TNRC6B: variants seen among roughly 807,000 people sequenced by gnomAD.
TNRC6B encodes the protein trinucleotide repeat-containing gene 6B protein.
TNRC6B carries 52 observed loss-of-function variants against 203.6 expected under a neutral mutation model. The ratio of observed to expected loss-of-function variants is 0.26; its 90% CI spans 0.20 to 0.32. The LOEUF is 0.32. Ranked by LOEUF, TNRC6B falls within the 10% of genes least tolerant of loss-of-function variation. The pLI, the probability that TNRC6B is intolerant of heterozygous loss-of-function variation, is 1.00. For synonymous variants in TNRC6B, 838 were observed against 845.7 expected (o/e 0.99, Z 0.16); for missense variants, 1,923 against 2,286.2 (o/e 0.84, Z 3.24).
intron 3 of TNRC6B, among the ~76,000 whole-genome samples, chr22:40,133,132 C>T (rs2068567748): frequency 1.3e-5 from 2 of 151,504 alleles, no homozygotes; most frequent in South Asian, 4.2e-4. Context: ...ACTATTTTAT[C>T]TGTCACATGT....
chr22:40,303,894 A>G (rs2071057607), intron 15 of TNRC6B, among the ~76,000 whole-genome samples: 1 of 152,220 alleles, frequency 6.6e-6, no homozygotes, highest in African/African-American at 2.4e-5. Flanking sequence ...CTGGCGACAG[A>G]GCAAGACTCC....
At chr22:40,179,308 T>C (rs539130814) in intron 1 of TNRC6B, among the ~76,000 whole-genome samples, 15 of 152,286 alleles carry the variant, frequency 9.8e-5, no homozygotes, top group Admixed American at 5.2e-4. Context: ...GAAAGGATTG[T>C]AGTTTGTGAT....
At chr22:40,052,723 A>G (rs1362945131) in intron 1 of TNRC6B, among the ~76,000 whole-genome samples, 1 of 152,118 alleles carries the variant, frequency 6.6e-6, no homozygotes, top group Non-Finnish European at 1.5e-5. Context: ...TGCTGGGATT[A>G]CAGGCGTGAG....
At chr22:40,138,362 C>T (rs1192203200) in intron 3 of TNRC6B, among the ~76,000 whole-genome samples, 1 of 152,162 alleles carries the variant, frequency 6.6e-6, no homozygotes, top group Non-Finnish European at 1.5e-5. Flanking sequence ...GCCTCCCAGG[C>T]TCAGGAGATT....
intron 1 of TNRC6B, among the ~76,000 whole-genome samples, chr22:40,067,277 G>T (rs905640692): frequency 1.2e-4 from 19 of 152,194 alleles, no homozygotes; most frequent in Non-Finnish European, 2.2e-4. Flanking sequence ...TTAATTAAAA[G>T]CTATTCATAT....
intron 2 of TNRC6B, among the ~76,000 whole-genome samples, chr22:40,121,568 A>G (rs905711395): frequency 1.3e-5 from 2 of 152,222 alleles, no homozygotes; most frequent in African/African-American, 2.4e-5. Flanking sequence ...ACCCAAGCCC[A>G]CTAATGCCCT....
chr22:40,189,990 A>G (rs1000546955), intron 1 of TNRC6B, among the ~76,000 whole-genome samples: 7 of 152,238 alleles, frequency 4.6e-5, no homozygotes, highest in Non-Finnish European at 7.3e-5. Context: ...GAAAATGATT[A>G]CATTGTTTCC....
intron 1 of TNRC6B, among the ~76,000 whole-genome samples, chr22:40,212,481 C>A (rs1266333882): frequency 6.6e-6 from 1 of 152,136 alleles, no homozygotes; most frequent in Non-Finnish European, 1.5e-5. Flanking sequence ...CCTTTGGGAA[C>A]AGATTAGTTT....
chr22:40,072,340 G>C (rs981437362), intron 1 of TNRC6B, among the ~76,000 whole-genome samples: 1 of 152,182 alleles, frequency 6.6e-6, no homozygotes, highest in African/African-American at 2.4e-5. Flanking sequence ...CACCAAGTCA[G>C]TTGTTCTCAA....
intron 1 of TNRC6B, among the ~76,000 whole-genome samples, chr22:40,233,103 T>G (rs1051824891): frequency 1.4e-4 from 21 of 150,984 alleles, no homozygotes; most frequent in African/African-American, 5.1e-4. Flanking sequence ...AGCTGAGATC[T>G]GCTGCACTCC....
At position 40,265,647 on chromosome 22, in the gene TNRC6B, T is replaced by C; in HGVS notation, c.1417T>C (p.Trp473Arg). ...QKSTGSKNDS[W>R]DNNNRSTGGS... is the part of the protein sequence containing the mutation. Reference sequence around the variant, plus strand: ...ATCAACTGGGTCAAAAAATGACTCTTGGGACAACAATAACAGGTCTACGGG... The same window carrying C: ...ATCAACTGGGTCAAAAAATGACTCTCGGGACAACAATAACAGGTCTACGGG... Residue 473 changes from tryptophan (W) to arginine (R), a missense_variant, in exon 5 of 23, where the codon TGG becomes CGG. Transcript: ENST00000454349. 1 of 1,613,856 alleles carries C rather than the reference T, an allele frequency of 6.2e-7. No homozygotes were observed. Among genetic ancestry groups the C allele is most frequent in the Non-Finnish European group, 8.5e-7 (1 of 1,179,828 alleles).
intron 1 of TNRC6B, among the ~76,000 whole-genome samples, chr22:40,048,540 C>CA (rs575286994): frequency 0.03 from 2,557 of 85,176 alleles, 45 homozygotes; most frequent in African/African-American, 0.059. Context: ...GGCTCCGTCT[C>CA]AAAAAAAAAA....
chr22:40,301,143 C>A lies in TNRC6B; in HGVS notation c.3937-7C>A. 1 of 1,552,388 alleles carries A rather than the reference C, an allele frequency of 6.4e-7. No homozygotes were observed. Among genetic ancestry groups the A allele is most frequent in the African/African-American group, 1.4e-5 (1 of 72,964 alleles). On this transcript the variant is annotated splice_region_variant and splice_polypyrimidine_tract_variant and intron_variant, in intron 14 of 22. Transcript: ENST00000454349. ...CTTATCACGTGTCTGTCTCTCTTGG[C>A]CCTCAGCTGGCTCGAATGGTGAGTG... is the stretch of plus-strand genomic sequence containing the variant.
At chr22:40,121,206 C>T (rs1456497472) in intron 2 of TNRC6B, among the ~76,000 whole-genome samples, 1 of 151,768 alleles carries the variant, frequency 6.6e-6, no homozygotes, top group Non-Finnish European at 1.5e-5. Flanking sequence ...TGCCAGTCTT[C>T]CTTCCTCCTT....
intron 1 of TNRC6B, among the ~76,000 whole-genome samples, chr22:40,053,324 G>A (rs927292893): frequency 1.3e-5 from 2 of 152,294 alleles, no homozygotes; most frequent in African/African-American, 4.8e-5. Flanking sequence ...CATAATTATT[G>A]TAATTAATGC....
intron 3 of TNRC6B, among the ~76,000 whole-genome samples, chr22:40,132,166 A>G (rs534544170): frequency 3.3e-5 from 5 of 152,212 alleles, no homozygotes; most frequent in African/African-American, 1.2e-4. Flanking sequence ...TGGCCAACAT[A>G]GCAAAACCCC....
chr22:40,147,477 G>C (rs958708997), intron 3 of TNRC6B, among the ~76,000 whole-genome samples: 1 of 152,154 alleles, frequency 6.6e-6, no homozygotes, highest in African/African-American at 2.4e-5. Context: ...TAGTTCTAGA[G>C]GCCGCGAATA....
chr22:40,053,366 G>A (rs188960725), intron 1 of TNRC6B, among the ~76,000 whole-genome samples: 1 of 152,208 alleles, frequency 6.6e-6, no homozygotes, highest in Admixed American at 6.5e-5. Context: ...GAGTTGGAGA[G>A]TCTCTGAATT....
intron 17 of TNRC6B, among the ~76,000 whole-genome samples, chr22:40,311,388 G>A (rs2071177976): frequency 6.6e-6 from 1 of 152,028 alleles, no homozygotes; most frequent in African/African-American, 2.4e-5. Flanking sequence ...CCTTTTGTTG[G>A]ATATAGTAAT....
Sources: gnomAD v4.1 joint callset for allele counts (sites outside exome capture counted in the v4.1 genomes callset) on GRCh38, gnomAD v4.1.1 for gene constraint, MANE v1.5 for transcripts, NCBI Gene and HGNC (gene_info 2026-07-23, HGNC 2026-07-21) for gene names.